The following PAXX variants were observed in gnomAD, a reference collection of about 807,000 sequenced individuals.
PAXX encodes PAXX non-homologous end joining factor, also known as protein PAXX.
PAXX carries 27 observed loss-of-function variants against 25.6 expected under a neutral mutation model. The ratio of observed to expected loss-of-function variants is 1.06; its 90% CI spans 0.78 to 1.46. The LOEUF is 1.46. Ranked by LOEUF, PAXX falls within the 40% of genes most tolerant of loss-of-function variation. PAXX has a pLI of 0.00. For missense variants in PAXX, 295 were observed against 280.2 expected, an observed-to-expected ratio of 1.05 and a Z score of -0.38; for synonymous variants, 126 against 125.7, an observed-to-expected ratio of 1.00 and a Z score of -0.02.
In PAXX at chr9:136,992,860, G is replaced by A. The variant is rs1280602552; in HGVS notation, c.181-65G>A. 9 of 1,611,076 alleles carry A rather than the reference G, an allele frequency of 5.6e-6. No homozygotes were observed. The East Asian group carries it at 1.1e-4, about 20-fold the overall frequency. ...TGGCTAGGGCTCTGGGGTCGGGCAGGTTTCGGGTGCCCCCAGTGGGCCTCG... is the reference window on the plus strand; with the variant it reads ...TGGCTAGGGCTCTGGGGTCGGGCAGATTTCGGGTGCCCCCAGTGGGCCTCG... On this transcript the variant is annotated intron_variant, in intron 2 of 6. Transcript: ENST00000371620.
At chr9:136,993,441 G>A (rs1463332812) in intron 5 of PAXX, 30 bp downstream of exon 5, 1 of 1,601,036 alleles carries the variant, frequency 6.2e-7, no homozygotes, top group Admixed American at 1.7e-5. Flanking sequence ...GACTCAAGTA[G>A]GGCTGTGCTC....
chr9:136,992,745 A>T, intron 2 of PAXX, 45 bp downstream of exon 2: 1 of 1,548,674 alleles, frequency 6.5e-7, no homozygotes, highest in East Asian at 2.4e-5. Context: ...CCCTCCTTGC[A>T]GTGCAGATCG....
At position 136,992,781 on chromosome 9, in the gene PAXX, T is replaced by C. The variant is rs1830606442; in HGVS notation, c.180+81T>C. On this transcript the variant is annotated intron_variant, in intron 2 of 6. Transcript: ENST00000371620. ...TCTATGGGGCGACAGACATCTGGGA[T>C]TCCCCAGAAGGCTCTGACACCCTCT... 16 of 1,570,920 alleles carry C rather than the reference T, an allele frequency of 1.0e-5. No individual in the cohort carries two copies. The South Asian group carries it at 1.6e-4, about 15-fold the overall frequency.
At position 136,993,431 on chromosome 9, in the gene PAXX, G is replaced by A. The variant is rs745789397; in HGVS notation, c.490+20G>A. ...TACCAGGTAAGGCATGTCCGCCTGTGACTCAAGTAGGGCTGTGCTCTTTAA... is the reference window on the plus strand; with the variant it reads ...TACCAGGTAAGGCATGTCCGCCTGTAACTCAAGTAGGGCTGTGCTCTTTAA... On this transcript the variant is annotated intron_variant, in intron 5 of 6. Transcript: ENST00000371620. 4 of 1,602,876 alleles carry A rather than the reference G, an allele frequency of 2.5e-6. No homozygotes were observed. Among genetic ancestry groups the A allele is most frequent in the Admixed American group, 3.4e-5 (2 of 58,640 alleles).
chr9:136,993,820 C>T lies in PAXX; in HGVS notation c.*15C>T, dbSNP rs372425757. The T allele has an allele frequency of 1.4e-5, 22 of 1,612,872 alleles. No individual in the cohort carries two copies. The highest frequency in any genetic ancestry group is 2.2e-5 in the East Asian group (1 of 44,900). ...ATGAGACCTGAAGGTGCAGCACAAGCGTGGCCCCGCGGGGAGTCCGCCTAT... is the reference window on the plus strand; with the variant it reads ...ATGAGACCTGAAGGTGCAGCACAAGTGTGGCCCCGCGGGGAGTCCGCCTAT... On this transcript the variant is annotated 3_prime_UTR_variant, in exon 7 of 7. Transcript: ENST00000371620.
In PAXX at chr9:136,993,776, G is replaced by A. The variant is rs751598873; in HGVS notation, c.586G>A (p.Ala196Thr). The A allele has an allele frequency of 1.2e-6, 2 of 1,613,920 alleles. No individual in the cohort carries two copies. The highest frequency in any genetic ancestry group is 2.7e-5 in the African/African-American group (2 of 75,036). The change falls in exon 7 of 7, where the codon GCT becomes ACT. Residue 196 changes from alanine (A) to threonine (T), a missense_variant. By Grantham distance (58) the Ala-to-Thr change is moderately conservative. Transcript: ENST00000371620. ...CCTCTTCCCTCCCAGTAAGAAACCA[G>A]CTGGTGGCGTGGACTTCGATGAGAC... ...INPGFKSKKP[A>T]GGVDFDET
chr9:136,992,889 TC>T (rs768314333), intron 2 of PAXX, 35 bp from the exon 3 acceptor site: 11 of 1,612,926 alleles, frequency 6.8e-6, no homozygotes, highest in Admixed American at 3.3e-5. Context: ...GGCCTCGGGT[TC>T]CAGGCAGCTC....
At position 136,992,957 on chromosome 9, in the gene PAXX, C is replaced by A; in HGVS notation, c.213C>A (p.Asp71Glu). The A allele has an allele frequency of 3.1e-6, 5 of 1,613,578 alleles. No homozygotes were observed. The highest frequency in any genetic ancestry group is 4.2e-6 in the Non-Finnish European group (5 of 1,180,000). ...KARFGLSAAE[D>E]ITPRFRAACE... ...GTTTTGGCCTGAGTGCGGCTGAGGA[C>A]ATCACCCCCCGGTTCAGGTGAGACC... is the stretch of plus-strand genomic sequence containing the variant. Residue 71 changes from aspartate to glutamate, a missense_variant, in exon 3 of 7, where the codon GAC becomes GAA. Asp to Glu is a conservative substitution (Grantham distance 45). Coordinates refer to ENST00000371620, the MANE Select transcript of PAXX (RefSeq NM_183241.3).
At chr9:136,992,884 C>T (rs780263750) in intron 2 of PAXX, 41 bp from the exon 3 acceptor site, 7 of 1,612,728 alleles carry the variant, frequency 4.3e-6, no homozygotes, top group South Asian at 1.1e-5. Context: ...CAGTGGGCCT[C>T]GGGTTCCAGG....
chr9:136,993,913 G>C lies in PAXX; in HGVS notation c.*108G>C. ...GCCACCACCTCCACCTGCCTGTCCT[G>C]GGCCAGGACTAACACGGCTCCTCAA... On this transcript the variant is annotated 3_prime_UTR_variant, in exon 7 of 7. Coordinates refer to ENST00000371620, the MANE Select transcript of PAXX (RefSeq NM_183241.3). The C allele has an allele frequency of 9.1e-7, 1 of 1,102,310 alleles. No homozygotes were observed. Among genetic ancestry groups the C allele is most frequent in the Non-Finnish European group, 1.3e-6 (1 of 748,636 alleles). The allele number at this position is 1,102,310 out of a possible 1,614,324, so 68.3% of individuals were successfully genotyped here. A position where few individuals can be genotyped will look rare whatever the true frequency, so the allele number is the denominator to read the frequency against.
In PAXX at chr9:136,993,085, C is replaced by A; in HGVS notation, c.263C>A (p.Thr88Asn). 1 of 1,611,086 alleles carries A rather than the reference C, an allele frequency of 6.2e-7. No homozygotes were observed. The highest frequency in any genetic ancestry group is 8.5e-7 in the Non-Finnish European group (1 of 1,179,342). ...TGTGAGCAGCAAGCTGTGGCTCTGA[C>A]TCTGCAGGAGGACAGAGCATCCCTG... is the stretch of plus-strand genomic sequence containing the variant. ...AACEQQAVAL[T>N]LQEDRASLTL... is the part of the protein sequence containing the mutation. The change falls in exon 4 of 7, where the codon ACT becomes AAT. Residue 88 changes from threonine to asparagine, a missense_variant. By Grantham distance (65) the Thr-to-Asn change is moderately conservative. Transcript: ENST00000371620.
At position 136,993,367 on chromosome 9, in the gene PAXX, C is replaced by T. The variant is rs749316845; in HGVS notation, c.446C>T (p.Pro149Leu). Residue 149 changes from proline to leucine, a missense_variant, in exon 5 of 7, where the codon CCG becomes CTG. Coordinates refer to ENST00000371620, the MANE Select transcript of PAXX (RefSeq NM_183241.3). ...LAAAEETAVS[P>L]RKSPRPAGPQ... ...GCTGCAGAAGAGACAGCTGTCAGCC[C>T]GAGGAAGAGCCCCCGGCCTGCAGGG... The T allele has an allele frequency of 2.5e-5, 40 of 1,606,102 alleles. No individual in the cohort carries two copies. Among genetic ancestry groups the T allele is most frequent in the Middle Eastern group, 1.7e-4 (1 of 6,050 alleles).
In PAXX at chr9:136,992,694, G is replaced by C. The variant is rs764931530; in HGVS notation, c.174G>C (p.Ala58=). The change falls in exon 2 of 7, where the codon GCG becomes GCC. Residue 58 remains alanine (A), a synonymous_variant. Transcript: ENST00000371620. ...WSTCFTPDSL[A]ALKARFGLSA... ...CCTGCTTCACGCCGGACAGCCTGGC[G>C]GCCCTCGTGGGTAACTGGGCGGGTC... The C allele has an allele frequency of 9.1e-6, 14 of 1,540,502 alleles. No individual in the cohort carries two copies. In the South Asian group the frequency reaches 1.3e-4, roughly 14 times the overall value.
chr9:136,992,960 C>G lies in PAXX; in HGVS notation c.216C>G (p.Ile72Met), dbSNP rs1830613061. 1 of 1,613,444 alleles carries G rather than the reference C, an allele frequency of 6.2e-7. No individual in the cohort carries two copies. The highest frequency in any genetic ancestry group is 1.7e-5 in the Admixed American group (1 of 60,016). Reference protein sequence around the residue: ...ARFGLSAAEDITPRFRAACEQ... With the variant: ...ARFGLSAAEDMTPRFRAACEQ... ...TTGGCCTGAGTGCGGCTGAGGACAT[C>G]ACCCCCCGGTTCAGGTGAGACCCAA... is the stretch of plus-strand genomic sequence containing the variant. Residue 72 changes from isoleucine to methionine, a missense_variant, in exon 3 of 7, where the codon ATC becomes ATG. Coordinates refer to ENST00000371620, the MANE Select transcript of PAXX (RefSeq NM_183241.3).
rs1460214042 is a variant in PAXX, at chr9:136,992,455, G to A, written c.12G>A (p.Leu4=). The A allele has an allele frequency of 3.8e-6, 5 of 1,316,782 alleles. No individual in the cohort carries two copies. The highest frequency in any genetic ancestry group is 3.8e-5 in the Admixed American group (1 of 26,558). 81.6% of individuals were successfully genotyped at this position (1,316,782 alleles called of 1,614,324 possible). MDP[L]SPPLCTLPPG... ...GCTCGCCCGGCGCCATGGATCCGCTGTCGCCGCCGCTCTGCACGCTGCCGC... is the reference window on the plus strand; with the variant it reads ...GCTCGCCCGGCGCCATGGATCCGCTATCGCCGCCGCTCTGCACGCTGCCGC... The change falls in exon 1 of 7, where the codon CTG becomes CTA. Residue 4 remains leucine (L), a synonymous_variant. Transcript: ENST00000371620.
chr9:136,993,665 G>C lies in PAXX; in HGVS notation c.575+1G>C. On this transcript the variant is annotated splice_donor_variant, in intron 6 of 6. Transcript: ENST00000371620. LOFTEE classifies it high-confidence loss of function. Reference sequence around the variant, plus strand: ...CGCTCATCAACCCCGGGTTCAAGAGGTACCCTCCCACAGCCCCCTTCCTGC... The same window carrying C: ...CGCTCATCAACCCCGGGTTCAAGAGCTACCCTCCCACAGCCCCCTTCCTGC... 1 of 1,613,690 alleles carries C rather than the reference G, an allele frequency of 6.2e-7. No individual in the cohort carries two copies. The highest frequency in any genetic ancestry group is 8.5e-7 in the Non-Finnish European group (1 of 1,179,940).
Position 136,992,423 on chromosome 9 carries a change from G to T in PAXX, c.-21G>T, listed in dbSNP as rs576642531. On this transcript the variant is annotated 5_prime_UTR_variant, in exon 1 of 7. Transcript: ENST00000371620. ...CCGGCGCCCAAGCCCCGCCCCGCCG[G>T]GTTCCCGCTCGCCCGGCGCCATGGA... 4.7e-4 allele frequency: 511 copies of T among 1,089,860 alleles called. No individual in the cohort carries two copies. Among genetic ancestry groups the T allele is most frequent in the Non-Finnish European group, 5.7e-4 (468 of 819,500 alleles). 67.5% of individuals were successfully genotyped at this position (1,089,860 alleles called of 1,614,324 possible).
chr9:136,993,950 G>T lies in PAXX; in HGVS notation c.*145G>T. On this transcript the variant is annotated 3_prime_UTR_variant, in exon 7 of 7. Transcript: ENST00000371620. Reference sequence around the variant, plus strand: ...ACACGGCTCCTCAAATTCCTTCCCTGTCAAATAAACAGCTCCCTTGGTTGG... The same window carrying T: ...ACACGGCTCCTCAAATTCCTTCCCTTTCAAATAAACAGCTCCCTTGGTTGG... The T allele has an allele frequency of 1.3e-6, 1 of 786,626 alleles. No individual in the cohort carries two copies. The highest frequency in any genetic ancestry group is 2.1e-6 in the Non-Finnish European group (1 of 483,422). The allele number at this position is 786,626 out of a possible 1,614,324, so 48.7% of individuals were successfully genotyped here. A position where few individuals can be genotyped will look rare whatever the true frequency, so the allele number is the denominator to read the frequency against.
intron 5 of PAXX, 60 bp downstream of exon 5, chr9:136,993,471 T>TC: frequency 1.9e-6 from 3 of 1,596,606 alleles, no homozygotes; most frequent in Non-Finnish European, 2.6e-6. Flanking sequence ...GAACTCAGTT[T>TC]CCCCCCAAAC....
Sources: gnomAD v4.1 joint callset for allele counts on GRCh38, gnomAD v4.1.1 for gene constraint, MANE v1.5 for transcripts, NCBI Gene and HGNC (gene_info 2026-07-23, HGNC 2026-07-21) for gene names.